The following MTCL2 variants were observed in gnomAD, a reference collection of about 807,000 sequenced individuals.
MTCL2 encodes the protein microtubule crosslinking factor 2.
At chr20:36,853,080 C>T in the MTCL2 span, among the ~76,000 whole-genome samples, 3 of 151,656 alleles carry the variant, frequency 2.0e-5, no homozygotes, top group Middle Eastern at 3.2e-3. Flanking sequence ...AAAAAGGTCC[C>T]GGGGAAAGAA....
chr20:36,849,264 G>A, the MTCL2 span, among the ~76,000 whole-genome samples: 6 of 151,408 alleles, frequency 4.0e-5, no homozygotes, highest in South Asian at 2.1e-4. Context: ...GTTTCGCCTC[G>A]TTAGACAGTC....
At chr20:36,856,678 G>A in the MTCL2 span, among the ~76,000 whole-genome samples, 1 of 152,256 alleles carries the variant, frequency 6.6e-6, no homozygotes, top group Non-Finnish European at 1.5e-5. Context: ...AGCTCCAGAA[G>A]GTTACAAAGT....
chr20:36,812,749 G>C, the MTCL2 span: 1 of 1,614,014 alleles, frequency 6.2e-7, no homozygotes, highest in Non-Finnish European at 8.5e-7. Flanking sequence ...AAGGCCTGAA[G>C]CTCCGGCTGG....
chr20:36,799,414 C>T, the MTCL2 span, among the ~76,000 whole-genome samples: 2 of 151,984 alleles, frequency 1.3e-5, no homozygotes, highest in Non-Finnish European at 2.9e-5. Context: ...ATCGTTTGAA[C>T]GCGGGAGGCA....
At chr20:36,834,443 G>T in the MTCL2 span, among the ~76,000 whole-genome samples, 1 of 152,150 alleles carries the variant, frequency 6.6e-6, no homozygotes, top group African/African-American at 2.4e-5. Context: ...TTAGACCAGA[G>T]TTTAGATCCC....
At chr20:36,859,853 C>T in the MTCL2 span, 14 of 1,231,488 alleles carry the variant, frequency 1.1e-5, no homozygotes, top group African/African-American at 1.2e-4. Context: ...CAAAGTAGTC[C>T]AGAAAGGCAG....
At chr20:36,818,775 A>T in the MTCL2 span, among the ~76,000 whole-genome samples, 1 of 152,278 alleles carries the variant, frequency 6.6e-6, no homozygotes, top group Admixed American at 6.5e-5. Context: ...AATATCTGCA[A>T]TGTACAACAC....
At chr20:36,789,988 A>ATTTTTTTTT in the MTCL2 span, among the ~76,000 whole-genome samples, 6 of 110,732 alleles carry the variant, frequency 5.4e-5, no homozygotes, top group African/African-American at 1.1e-4. Flanking sequence ...TAATTTTTGT[A>ATTTTTTTTT]TTTTTTTTTT....
At chr20:36,839,200 C>A in the MTCL2 span, 81 of 1,578,462 alleles carry the variant, frequency 5.1e-5, no homozygotes, top group Non-Finnish European at 6.6e-5. The surrounding 1 kb of genome is among the most constrained non-coding windows in gnomAD (Gnocchi z 5.1). Context: ...AACAAGGGCA[C>A]CCGAGCCCAG....
At chr20:36,802,810 A>G in the MTCL2 span, 1 of 1,556,190 alleles carries the variant, frequency 6.4e-7, no homozygotes, top group Non-Finnish European at 8.7e-7. Flanking sequence ...TTTCTGTAGC[A>G]ACTCTCCCTT....
chr20:36,814,739 T>C, the MTCL2 span, among the ~76,000 whole-genome samples: 1 of 151,910 alleles, frequency 6.6e-6, no homozygotes. Flanking sequence ...ATACAAAAAT[T>C]AGCCAGGCAT....
At chr20:36,843,917 C>T in the MTCL2 span, among the ~76,000 whole-genome samples, 1 of 152,184 alleles carries the variant, frequency 6.6e-6, no homozygotes, top group Non-Finnish European at 1.5e-5. Flanking sequence ...TTTTTTTTAA[C>T]TTTTAAATGA....
the MTCL2 span, among the ~76,000 whole-genome samples, chr20:36,800,581 G>A: frequency 6.6e-6 from 1 of 152,124 alleles, no homozygotes; most frequent in African/African-American, 2.4e-5. Flanking sequence ...TATGACCTTG[G>A]GCAAATCACT....
chr20:36,861,027 G>A, the MTCL2 span, among the ~76,000 whole-genome samples: 1 of 152,138 alleles, frequency 6.6e-6, no homozygotes, highest in Non-Finnish European at 1.5e-5. Context: ...GGGGCCCATG[G>A]AGATGGGTGC....
At chr20:36,839,477 A>C in the MTCL2 span, 1 of 1,597,670 alleles carries the variant, frequency 6.3e-7, no homozygotes. This position sits in a 1 kb window ranked among gnomAD's most constrained non-coding sequence, Gnocchi z 5.1. Context: ...CACTGGGCCC[A>C]CAGTAGCAGC....
At chr20:36,790,651 G>A in the MTCL2 span, among the ~76,000 whole-genome samples, 1 of 150,272 alleles carries the variant, frequency 6.7e-6, no homozygotes, top group Non-Finnish European at 1.5e-5. Flanking sequence ...TGCCCAGGCT[G>A]GTCTTAAATT....
the MTCL2 span, chr20:36,828,860 G>A: frequency 1.7e-6 from 1 of 594,556 alleles, no homozygotes; most frequent in Non-Finnish European, 2.8e-6. Context: ...TGTAACCTTA[G>A]TGTCCAGCAC....
chr20:36,808,556 C>T, the MTCL2 span: 197 of 1,608,836 alleles, frequency 1.2e-4, no homozygotes, highest in Non-Finnish European at 1.6e-4. Context: ...CTTGCCCTGC[C>T]GCCAGCGCTT....
chr20:36,835,122 T>C, the MTCL2 span, among the ~76,000 whole-genome samples: 1 of 152,376 alleles, frequency 6.6e-6, no homozygotes, highest in African/African-American at 2.4e-5. Flanking sequence ...GGACTCATTT[T>C]ATCTCCATTT....
Sources: gnomAD v4.1 joint callset for allele counts (sites outside exome capture counted in the v4.1 genomes callset) on GRCh38, gnomAD v4.1.1 for gene constraint, Gnocchi (gnomAD v3.1) non-coding constraint, MANE v1.5 for transcripts, NCBI Gene and HGNC (gene_info 2026-07-23, HGNC 2026-07-21) for gene names.